Variants in LAMA2 observed in about 807,000 individuals in gnomAD.
LAMA2 encodes laminin subunit alpha 2.
In LAMA2, 269 loss-of-function variants were observed where a neutral mutation model predicts 364.8. That is an observed-to-expected ratio of 0.74 (90% CI 0.67 to 0.82). The LOEUF is 0.82. Ranked by LOEUF, LAMA2 falls within the 40% of genes least tolerant of loss-of-function variation. The probability of loss-of-function intolerance (pLI) is 0.00; values close to 1 mark genes in which losing one functional copy is unlikely to be tolerated. For missense variants in LAMA2, 3,807 were observed against 3,873.2 expected (o/e 0.98, Z 0.45); for synonymous variants, 1,379 against 1,370.6 (o/e 1.01, Z -0.14).
At chr6:128,996,890 T>C (rs533576310) in intron 1 of LAMA2, among the ~76,000 whole-genome samples, 2 of 152,248 alleles carry the variant, frequency 1.3e-5, no homozygotes, top group African/African-American at 4.8e-5. Context: ...TGCCTATCAA[T>C]GATAGACTGG....
chr6:129,495,385 ATTTGAAATAT>A (rs1785108198), intron 58 of LAMA2, among the ~76,000 whole-genome samples: 1 of 152,146 alleles, frequency 6.6e-6, no homozygotes, highest in South Asian at 2.1e-4. Context: ...GTATTCTTAA[ATTTGAAATAT>A]TCCCTTCATA....
chr6:129,022,678 A>G (rs1340888561), intron 1 of LAMA2, among the ~76,000 whole-genome samples: 1 of 152,200 alleles, frequency 6.6e-6, no homozygotes, highest in African/African-American at 2.4e-5. Flanking sequence ...TTTTTCTAAC[A>G]TAACTCACAG....
chr6:129,051,873 G>A (rs12206708), intron 2 of LAMA2, among the ~76,000 whole-genome samples: 24,776 of 151,564 alleles, frequency 0.16, 2,398 homozygotes, highest in African/African-American at 0.26. Flanking sequence ...GAAAGCCCAG[G>A]GGCATGAACG....
At chr6:129,162,115 C>T (rs1299529161) in intron 8 of LAMA2, among the ~76,000 whole-genome samples, 1 of 152,182 alleles carries the variant, frequency 6.6e-6, no homozygotes, top group Admixed American at 6.5e-5. Context: ...TACTTTCCCA[C>T]CAGCAGTGTA....
chr6:129,344,472 G>C (rs547848042), intron 30 of LAMA2, among the ~76,000 whole-genome samples: 101 of 152,266 alleles, frequency 6.6e-4, no homozygotes, highest in African/African-American at 2.4e-3. Context: ...AGAGAAGAAA[G>C]ATAATTTATG....
chr6:128,998,126 G>A (rs1237478808), intron 1 of LAMA2, among the ~76,000 whole-genome samples: 5 of 152,186 alleles, frequency 3.3e-5, no homozygotes, highest in Middle Eastern at 3.4e-3. Flanking sequence ...AGAGGTCAGC[G>A]AGGAGGTAAA....
intron 37 of LAMA2, among the ~76,000 whole-genome samples, chr6:129,394,246 A>G (rs1056765399): frequency 1.3e-5 from 2 of 152,202 alleles, no homozygotes; most frequent in Non-Finnish European, 2.9e-5. Context: ...ACAGCAGCAG[A>G]CCTATACATC....
At chr6:129,063,460 T>C (rs1328992075) in intron 3 of LAMA2, among the ~76,000 whole-genome samples, 1 of 152,180 alleles carries the variant, frequency 6.6e-6, no homozygotes, top group Non-Finnish European at 1.5e-5. Flanking sequence ...ATCTCCGTCA[T>C]GCCCTTTGAT....
intron 1 of LAMA2, among the ~76,000 whole-genome samples, chr6:129,023,003 G>A (rs896495973): frequency 1.3e-5 from 2 of 152,010 alleles, no homozygotes; most frequent in African/African-American, 4.8e-5. Flanking sequence ...ATCTTGATAT[G>A]TCACCCTATT....
intron 55 of LAMA2, 45 bp downstream of exon 55, chr6:129,481,484 A>T (rs370225841): frequency 6.8e-7 from 1 of 1,465,906 alleles, no homozygotes; most frequent in South Asian, 1.1e-5. Flanking sequence ...TAATGCTTAT[A>T]TAAAGCAGTT....
At chr6:129,046,377 G>T (rs111756179) in intron 1 of LAMA2, among the ~76,000 whole-genome samples, 21,190 of 152,154 alleles carry the variant, frequency 0.14, 1,574 homozygotes, top group African/African-American at 0.18. Context: ...TCACAATCAT[G>T]GTGGAAGGCA....
intron 1 of LAMA2, among the ~76,000 whole-genome samples, chr6:129,013,765 AATTT>A (rs1202384642): frequency 6.6e-6 from 1 of 152,016 alleles, no homozygotes; most frequent in African/African-American, 2.4e-5. Context: ...TCATATAGAG[AATTT>A]ATTCTCTATA....
chr6:129,077,768 T>G (rs946532795), intron 3 of LAMA2, among the ~76,000 whole-genome samples: 1 of 152,224 alleles, frequency 6.6e-6, no homozygotes, highest in Non-Finnish European at 1.5e-5. Context: ...TCAGAAAGAT[T>G]CTTTTTCTGG....
chr6:129,171,570 G>C (rs1281166933), intron 9 of LAMA2, among the ~76,000 whole-genome samples: 5 of 151,344 alleles, frequency 3.3e-5, no homozygotes, highest in Admixed American at 6.6e-5. Flanking sequence ...GCTTCCCTTT[G>C]AGGGTAACCC....
intron 34 of LAMA2, among the ~76,000 whole-genome samples, chr6:129,380,095 G>A (rs778457227): frequency 2.0e-5 from 3 of 152,172 alleles, no homozygotes; most frequent in Non-Finnish European, 2.9e-5. Flanking sequence ...CATTAGAGTT[G>A]TGAATAGTGG....
intron 1 of LAMA2, among the ~76,000 whole-genome samples, chr6:128,899,390 T>C (rs1776948466): frequency 6.6e-6 from 1 of 152,230 alleles, no homozygotes; most frequent in African/African-American, 2.4e-5. Flanking sequence ...GGGTATTTAA[T>C]CAACTAGTTC....
chr6:129,052,592 G>C (rs375783928), intron 2 of LAMA2, among the ~76,000 whole-genome samples: 10 of 152,128 alleles, frequency 6.6e-5, no homozygotes, highest in African/African-American at 2.4e-4. Context: ...CCCCTCCAGA[G>C]TGCTACATTT....
chr6:129,279,401 G>A (rs1432830836), intron 17 of LAMA2, among the ~76,000 whole-genome samples: 4 of 152,178 alleles, frequency 2.6e-5, no homozygotes. Flanking sequence ...TTAGAAATAT[G>A]TGCAAAGAGA....
chr6:129,257,322 G>T (rs1786765421), intron 14 of LAMA2, among the ~76,000 whole-genome samples: 1 of 152,042 alleles, frequency 6.6e-6, no homozygotes, highest in Non-Finnish European at 1.5e-5. Flanking sequence ...TGCTCAGTGA[G>T]TACTAATGTG....
Sources: gnomAD v4.1 joint callset for allele counts (sites outside exome capture counted in the v4.1 genomes callset) on GRCh38, gnomAD v4.1.1 for gene constraint, MANE v1.5 for transcripts, NCBI Gene and HGNC (gene_info 2026-07-23, HGNC 2026-07-21) for gene names.